Variants in MMP26 observed in about 807,000 individuals in gnomAD.
MMP26 encodes matrix metalloproteinase-26.
MMP26 carries 33 observed loss-of-function variants against 31.0 expected under a neutral mutation model. The observed-to-expected ratio is 1.06, with a 90% CI of 0.81 to 1.42. The LOEUF (loss-of-function observed/expected upper bound fraction) is 1.42, where lower values mean the gene tolerates loss of function less well. Ranked by LOEUF, MMP26 falls within the 40% of genes most tolerant of loss-of-function variation. MMP26 has a pLI of 0.00. For synonymous variants in MMP26, 122 were observed against 114.9 expected, an observed-to-expected ratio of 1.06 and a Z score of -0.40; for missense variants, 347 against 316.1, an observed-to-expected ratio of 1.10 and a Z score of -0.74.
intron 2 of MMP26, among the ~76,000 whole-genome samples, chr11:4,958,303 C>T (rs901083395): frequency 6.6e-6 from 1 of 152,194 alleles, no homozygotes; most frequent in Non-Finnish European, 1.5e-5. Flanking sequence ...CTTGCTAGCG[C>T]GAACAATAAA....
intron 1 of MMP26, among the ~76,000 whole-genome samples, chr11:4,715,766 C>G (rs1323049292): frequency 6.6e-6 from 1 of 152,116 alleles, no homozygotes; most frequent in African/African-American, 2.4e-5. Flanking sequence ...AGATTTCTGC[C>G]CATCCTGGTG....
At chr11:4,768,837 A>G in intron 2 of MMP26, 1 of 481,136 alleles carries the variant, frequency 2.1e-6, no homozygotes, top group Non-Finnish European at 3.6e-6. Flanking sequence ...TTTATGACCA[A>G]ATATACAACA....
chr11:4,875,651 A>G (rs1420499261), intron 2 of MMP26: 1 of 152,060 alleles, frequency 6.6e-6, no homozygotes, highest in African/African-American at 2.4e-5. Flanking sequence ...GACAAAGGTT[A>G]TTCATTTCTA....
intron 2 of MMP26, among the ~76,000 whole-genome samples, chr11:4,795,800 G>A (rs1431135642): frequency 2.0e-5 from 3 of 151,860 alleles, no homozygotes; most frequent in African/African-American, 7.3e-5. Flanking sequence ...AGAAGATGGT[G>A]GGAGAGGACG....
chr11:4,759,697 G>C (rs1360344246), intron 1 of MMP26, among the ~76,000 whole-genome samples: 4 of 152,184 alleles, frequency 2.6e-5, no homozygotes, highest in African/African-American at 9.7e-5. Context: ...ATTAGTGGGA[G>C]AGAAACAACT....
chr11:4,867,547 C>A (rs147407751), intron 2 of MMP26, among the ~76,000 whole-genome samples: 493 of 152,032 alleles, frequency 3.2e-3, no homozygotes, highest in African/African-American at 0.011. Flanking sequence ...TGCACCATCA[C>A]GTCTGGCTAA....
At chr11:4,979,405 T>C (rs1846783100) in intron 2 of MMP26, among the ~76,000 whole-genome samples, 1 of 152,164 alleles carries the variant, frequency 6.6e-6, no homozygotes, top group African/African-American at 2.4e-5. Flanking sequence ...GTAACTACAC[T>C]GGTGAAAAAT....
chr11:4,732,412 C>T (rs557259054), intron 1 of MMP26, among the ~76,000 whole-genome samples: 22 of 151,882 alleles, frequency 1.4e-4, no homozygotes, highest in Admixed American at 3.3e-4. Context: ...TTTTGTGATA[C>T]AATTCACATA....
At chr11:4,904,874 C>T (rs1410315736) in intron 2 of MMP26, among the ~76,000 whole-genome samples, 1 of 151,998 alleles carries the variant, frequency 6.6e-6, no homozygotes, top group Non-Finnish European at 1.5e-5. Flanking sequence ...ATGTTGATGA[C>T]AGATACATGG....
intron 2 of MMP26, chr11:4,876,265 T>C (rs905536376): frequency 2.0e-5 from 3 of 152,180 alleles, no homozygotes; most frequent in Admixed American, 6.5e-5. Flanking sequence ...AACTTCTTGA[T>C]ATTTCTGAAT....
intron 2 of MMP26, among the ~76,000 whole-genome samples, chr11:4,853,178 T>A (rs188609981): frequency 6.6e-6 from 1 of 152,314 alleles, no homozygotes; most frequent in Non-Finnish European, 1.5e-5. Flanking sequence ...ACTTGAAATT[T>A]GCCAAAGGGC....
At chr11:4,877,352 A>T (rs888447919) in intron 2 of MMP26, 1 of 152,218 alleles carries the variant, frequency 6.6e-6, no homozygotes, top group Admixed American at 6.6e-5. Context: ...ATTCATCGCT[A>T]TGGGAAGCAT....
intron 1 of MMP26, among the ~76,000 whole-genome samples, chr11:4,732,502 T>C (rs1227866120): frequency 6.6e-6 from 1 of 150,980 alleles, no homozygotes; most frequent in Non-Finnish European, 1.5e-5. Context: ...ACTTAATGTG[T>C]TACTTGTTCC....
intron 2 of MMP26, among the ~76,000 whole-genome samples, chr11:4,791,558 T>C (rs1849027461): frequency 6.6e-6 from 1 of 152,172 alleles, no homozygotes; most frequent in African/African-American, 2.4e-5. Flanking sequence ...GTCATTATAT[T>C]GTTAATACTA....
intron 2 of MMP26, chr11:4,860,727 T>C (rs1025046519): frequency 9.8e-6 from 3 of 307,170 alleles, no homozygotes; most frequent in Admixed American, 4.7e-5. Context: ...TTTGTAACAC[T>C]GTGTCTTTTT....
rs1357505604 is a variant in MMP26, at chr11:4,835,176, CCT to C, written c.-145+67846_-145+67847del. On this transcript the variant is annotated intron_variant, in intron 2 of 7. Transcript: ENST00000380390. ...ATGAATTCTCAATATCTCCCTCCCC[CCT>C]CTCTCTCTCTTCCTCTCTCTTTCTG... is the stretch of plus-strand genomic sequence containing the variant. Among the ~76,000 whole-genome samples the C allele has an allele frequency of 3.7e-3, 548 of 146,968 alleles. 5 individuals carry two copies. Among genetic ancestry groups the C allele is most frequent in the African/African-American group, 0.013 (492 of 38,520 alleles).
At chr11:4,951,847 C>T (rs573736303) in intron 2 of MMP26, among the ~76,000 whole-genome samples, 1 of 124,738 alleles carries the variant, frequency 8.0e-6, no homozygotes, top group South Asian at 2.4e-4. Context: ...AGAAAAAGTG[C>T]TCTACTGCCT....
intron 2 of MMP26, among the ~76,000 whole-genome samples, chr11:4,839,672 G>A (rs989654561): frequency 2.6e-5 from 4 of 151,008 alleles, no homozygotes; most frequent in African/African-American, 7.3e-5. Context: ...CTTGGACCCC[G>A]GACAACAAGC....
intron 1 of MMP26, among the ~76,000 whole-genome samples, chr11:4,742,044 C>A (rs1017849604): frequency 1.1e-4 from 16 of 152,136 alleles, no homozygotes; most frequent in African/African-American, 3.9e-4. Context: ...TTCTAAGAAA[C>A]CCTGCTCTAA....
Sources: gnomAD v4.1 joint callset for allele counts (sites outside exome capture counted in the v4.1 genomes callset) on GRCh38, gnomAD v4.1.1 for gene constraint, MANE v1.5 for transcripts, NCBI Gene and HGNC (gene_info 2026-07-23, HGNC 2026-07-21) for gene names.